The following MSL1 variants were observed in gnomAD, a reference collection of about 807,000 sequenced individuals.
MSL1 encodes male-specific lethal 1 homolog.
In MSL1, 21 loss-of-function variants were observed where a neutral mutation model predicts 64.6. The observed-to-expected ratio is 0.33, with a 90% CI of 0.23 to 0.47. The LOEUF is 0.47. Among genes scored for constraint, MSL1 ranks in the 20% least tolerant of loss-of-function variants. MSL1 has a pLI of 1.00. For missense variants in MSL1, 664 were observed against 793.2 expected (o/e 0.84, Z 1.96); for synonymous variants, 339 against 329.6 (o/e 1.03, Z -0.31).
chr17:40,134,309 T>C lies in MSL1; in HGVS notation c.1785T>C (p.Arg595=). 6.4e-7 allele frequency: 1 copy of C among 1,557,534 alleles called. No homozygotes were observed. Among genetic ancestry groups the C allele is most frequent in the Non-Finnish European group, 8.7e-7 (1 of 1,150,114 alleles). ...QNFELPWLDE[R]SRCRLEIQKK... Reference sequence around the variant, plus strand: ...TTGAGCTACCCTGGTTGGATGAGCGTAGCCGATGCAGATTGGAGATCCAGA... The same window carrying C: ...TTGAGCTACCCTGGTTGGATGAGCGCAGCCGATGCAGATTGGAGATCCAGA... The change falls in exon 9 of 9, where the codon CGT becomes CGC. Residue 595 remains arginine (R), a synonymous_variant. Transcript: ENST00000398532.
At chr17:40,127,339 G>GA (rs66944924) in intron 2 of MSL1, among the ~76,000 whole-genome samples, 1,327 of 97,524 alleles carry the variant, frequency 0.014, 14 homozygotes, top group African/African-American at 0.038. Context: ...TGTCTCAATT[G>GA]AAAAAAAAAA....
rs137985571 is a variant in MSL1 at position 40,128,713 on chromosome 17, T to G, written c.993-532T>G. On this transcript the variant is annotated intron_variant, in intron 2 of 8. Transcript: ENST00000398532. ...GAATATTCTTAAGCATGGAAATTCC[T>G]TGTTCAACATTTACTGGCCAGGTGC... 2.0e-5 allele frequency among the ~76,000 whole-genome samples: 3 copies of G among 151,734 alleles called. No homozygotes were observed. In the East Asian group the frequency reaches 5.9e-4, roughly 30 times the overall value.
rs549884140 is a variant in MSL1, at chr17:40,133,229, C to A, written c.1556+120C>A. The A allele has an allele frequency of 1.6e-5, 15 of 917,348 alleles. No individual in the cohort carries two copies. The Admixed American group carries it at 3.6e-4, about 22-fold the overall frequency. The allele number at this position is 917,348 out of a possible 1,614,324, so 56.8% of individuals were successfully genotyped here. On this transcript the variant is annotated intron_variant, in intron 6 of 8. Transcript: ENST00000398532. Reference sequence around the variant, plus strand: ...AATCTTGGAGTGCTTAACACTCTTACATTACTGGCTTCCCAGTTGGTTGAA... The same window carrying A: ...AATCTTGGAGTGCTTAACACTCTTAAATTACTGGCTTCCCAGTTGGTTGAA...
Position 40,131,911 on chromosome 17 carries a change from A to G in MSL1, c.1424-123A>G, listed in dbSNP as rs1398875226. On this transcript the variant is annotated intron_variant, in intron 4 of 8. Coordinates refer to ENST00000398532, the MANE Select transcript of MSL1 (RefSeq NM_001365919.1). This position sits in a 1 kb window ranked among gnomAD's most constrained non-coding sequence, Gnocchi z 4.5. ...CAGGGAGGCCATAGAATGGATTCCT[A>G]TCACTTGGTAACTTTGTCTCTTCTG... 2 of 710,120 alleles carry G rather than the reference A, an allele frequency of 2.8e-6. No individual in the cohort carries two copies. Among genetic ancestry groups the G allele is most frequent in the Non-Finnish European group, 4.8e-6 (2 of 419,664 alleles). 44.0% of individuals were successfully genotyped at this position (710,120 alleles called of 1,614,324 possible). A position where few individuals can be genotyped will look rare whatever the true frequency, so the allele number is the denominator to read the frequency against.
In MSL1 at chr17:40,131,575, G is replaced by C; in HGVS notation, c.1414G>C (p.Val472Leu). 1 of 1,613,806 alleles carries C rather than the reference G, an allele frequency of 6.2e-7. No homozygotes were observed. Among genetic ancestry groups the C allele is most frequent in the Non-Finnish European group, 8.5e-7 (1 of 1,179,776 alleles). ...ATCAAGTGTTGCAGGAGAAACTTCA[G>C]TCTTGGCTGGTGAGTAGAATAGGAA... ...MPSSVAGETS[V>L]LAVPSWRDHS... The change falls in exon 4 of 9, where the codon GTC (valine) becomes CTC (leucine). Residue 472 changes from valine (V) to leucine (L), a missense_variant. Around this residue, in one of 4 missense-constraint regions of MSL1, gnomAD observed 119 missense variants for 164.3 expected, o/e 0.72. Transcript: ENST00000398532. This position sits in a 1 kb window ranked among gnomAD's most constrained non-coding sequence, Gnocchi z 4.5.
At chr17:40,125,867 A>G (rs994640462) in intron 1 of MSL1, among the ~76,000 whole-genome samples, 1 of 152,256 alleles carries the variant, frequency 6.6e-6, no homozygotes, top group African/African-American at 2.4e-5. Context: ...CACAGGTAGC[A>G]GTAGCAGAGA....
At chr17:40,124,067 T>C (rs1006921426) in intron 1 of MSL1, among the ~76,000 whole-genome samples, 11 of 152,142 alleles carry the variant, frequency 7.2e-5, no homozygotes, top group Non-Finnish European at 1.3e-4. Flanking sequence ...ATGTATTAAA[T>C]AGACCTCCCC....
chr17:40,135,904 T>A lies in MSL1; in HGVS notation c.*1535T>A, dbSNP rs1471495045. 1.3e-5 allele frequency: 2 copies of A among 151,856 alleles called. No individual in the cohort carries two copies. Among genetic ancestry groups the A allele is most frequent in the Non-Finnish European group, 2.9e-5 (2 of 67,946 alleles). The allele number at this position is 151,856 out of a possible 1,614,324, so 9.4% of individuals were successfully genotyped here. A position where few individuals can be genotyped will look rare whatever the true frequency, so the allele number is the denominator to read the frequency against. Reference sequence around the variant, plus strand: ...TTGTAACTCCATCTGCTTAGGAGAGTGGGCTCTCTATAAGGGAACCTGCTG... The same window carrying A: ...TTGTAACTCCATCTGCTTAGGAGAGAGGGCTCTCTATAAGGGAACCTGCTG... On this transcript the variant is annotated 3_prime_UTR_variant, in exon 9 of 9. Transcript: ENST00000398532.
chr17:40,131,527 C>T lies in MSL1; in HGVS notation c.1376-10C>T. 1.9e-6 allele frequency: 3 copies of T among 1,612,662 alleles called. No homozygotes were observed. The highest frequency in any genetic ancestry group is 2.5e-6 in the Non-Finnish European group (3 of 1,178,898). The stretch of plus-strand genomic sequence containing the variant: ...ACACTGAGATTATTCTTCTTTCCTG[C>T]ATTATTTAGGGTGTCTGATGCCATC... On this transcript the variant is annotated splice_polypyrimidine_tract_variant and intron_variant, in intron 3 of 8. Transcript: ENST00000398532. The surrounding 1 kb of genome is among the most constrained non-coding windows in gnomAD (Gnocchi z 4.5).
intron 5 of MSL1, 59 bp from the exon 6 acceptor site, chr17:40,132,983 A>C (rs1988470188): frequency 5.5e-6 from 8 of 1,455,146 alleles, no homozygotes; most frequent in Non-Finnish European, 7.6e-6. Context: ...ATTAGTTAGT[A>C]TATGTGTGTA....
intron 1 of MSL1, among the ~76,000 whole-genome samples, chr17:40,123,769 C>T (rs555186398): frequency 8.8e-4 from 134 of 152,204 alleles, no homozygotes; most frequent in African/African-American, 2.7e-3. Flanking sequence ...TAGAAATGCA[C>T]GGTGGAGGAG....
At chr17:40,133,395 G>A in intron 6 of MSL1, 139 bp from the exon 7 acceptor site, 3 of 1,098,856 alleles carry the variant, frequency 2.7e-6, no homozygotes, top group Admixed American at 2.9e-5. Flanking sequence ...TAACAAGGCA[G>A]TCATTTCTCT....
At position 40,134,470 on chromosome 17, in the gene MSL1, C is replaced by A; in HGVS notation, c.*101C>A. The A allele has an allele frequency of 2.2e-6, 2 of 915,252 alleles. No individual in the cohort carries two copies. Among genetic ancestry groups the A allele is most frequent in the Non-Finnish European group, 3.5e-6 (2 of 578,302 alleles). The allele number at this position is 915,252 out of a possible 1,614,324, so 56.7% of individuals were successfully genotyped here. A position where few individuals can be genotyped will look rare whatever the true frequency, so the allele number is the denominator to read the frequency against. The stretch of plus-strand genomic sequence containing the variant: ...ACCTTTGTCCTCACATATGTTATCA[C>A]TCGCTGATAATACCCTTTCATACTT... On this transcript the variant is annotated 3_prime_UTR_variant, in exon 9 of 9. Coordinates refer to ENST00000398532, the MANE Select transcript of MSL1 (RefSeq NM_001365919.1).
intron 2 of MSL1, among the ~76,000 whole-genome samples, chr17:40,128,624 C>T (rs539852351): frequency 1.1e-4 from 17 of 151,268 alleles, no homozygotes; most frequent in African/African-American, 3.9e-4. Flanking sequence ...TCAAGTGATC[C>T]GCCTGCATTG....
rs1384681340 is a variant in MSL1, at chr17:40,122,406, C to T, written c.-207C>T. On this transcript the variant is annotated 5_prime_UTR_variant, in exon 1 of 9. Coordinates refer to ENST00000398532, the MANE Select transcript of MSL1 (RefSeq NM_001365919.1). This position sits in a 1 kb window ranked among gnomAD's most constrained non-coding sequence, Gnocchi z 4.2. The stretch of plus-strand genomic sequence containing the variant: ...CGGCGAGGCCCCCATGGGCCGGCGG[C>T]GGGCCTCAGCCGCGGCCTCCACGTC... The T allele has an allele frequency of 2.9e-6, 1 of 347,138 alleles. No individual in the cohort carries two copies. Among genetic ancestry groups the T allele is most frequent in the East Asian group, 4.4e-5 (1 of 22,768 alleles). 21.5% of individuals were successfully genotyped at this position (347,138 alleles called of 1,614,324 possible).
Position 40,131,684 on chromosome 17 carries a change from CTG to C in MSL1, c.1423+101_1423+102del. ...TTCCCCATCCACTGGATGTGGGAGACTGAGATTTCTTGGTGTATGATTGATTA... is the reference window on the plus strand; with the variant it reads ...TTCCCCATCCACTGGATGTGGGAGACAGATTTCTTGGTGTATGATTGATTA... On this transcript the variant is annotated intron_variant, in intron 4 of 8. Coordinates refer to ENST00000398532, the MANE Select transcript of MSL1 (RefSeq NM_001365919.1). The surrounding 1 kb of genome is among the most constrained non-coding windows in gnomAD (Gnocchi z 4.5). 1 of 1,069,000 alleles carries C rather than the reference CTG, an allele frequency of 9.4e-7. No homozygotes were observed. The highest frequency in any genetic ancestry group is 1.5e-6 in the Non-Finnish European group (1 of 685,574). 66.2% of individuals were successfully genotyped at this position (1,069,000 alleles called of 1,614,324 possible).
intron 1 of MSL1, among the ~76,000 whole-genome samples, chr17:40,125,801 A>G (rs1988300546): frequency 6.6e-6 from 1 of 152,178 alleles, no homozygotes; most frequent in Admixed American, 6.5e-5. Context: ...ACAAAAACAA[A>G]CAAACAAAAC....
In MSL1 at chr17:40,123,039, G is replaced by C. The variant is rs1379603298; in HGVS notation, c.427G>C (p.Val143Leu). ...AVLPIQTGSL[V>L]AAAKEPTPWA... ...GCTGCCCATTCAGACGGGCTCTCTC[G>C]TGGCGGCGGCCAAAGAGCCTACGCC... The change falls in exon 1 of 9, where the codon GTG becomes CTG. Residue 143 changes from valine (V) to leucine (L), a missense_variant. Physicochemically the swap from Val to Leu is conservative, Grantham distance 32. Transcript: ENST00000398532. 2 of 1,532,218 alleles carry C rather than the reference G, an allele frequency of 1.3e-6. No homozygotes were observed. Among genetic ancestry groups the C allele is most frequent in the South Asian group, 1.2e-5 (1 of 83,940 alleles). 94.9% of individuals were successfully genotyped at this position (1,532,218 alleles called of 1,614,324 possible).
rs1988324425 is a variant in MSL1, at chr17:40,126,683, C to A, written c.992+277C>A. 16 of 330,092 alleles carry A rather than the reference C, an allele frequency of 4.8e-5. 1 individual carries two copies. In the South Asian group the frequency reaches 5.4e-4, roughly 11 times the overall value. The allele number at this position is 330,092 out of a possible 1,614,324, so 20.4% of individuals were successfully genotyped here. On this transcript the variant is annotated intron_variant, in intron 2 of 8. Transcript: ENST00000398532. ...ATTAGCCGGGCGTGATGGCGGGCGC[C>A]TGTAGTCCCAGCTACTCGGGAGGCT...
Sources: allele counts gnomAD v4.1 joint callset (sites outside exome capture counted in the v4.1 genomes callset), GRCh38; gene constraint gnomAD v4.1.1; regional missense constraint gnomAD v4.1.1; non-coding constraint Gnocchi (gnomAD v3.1); transcripts MANE v1.5; gene names NCBI Gene and HGNC (gene_info 2026-07-23, HGNC 2026-07-21).